Variants in BTBD1 observed in about 807,000 individuals in gnomAD.
The protein encoded by BTBD1 is BTB/POZ domain-containing protein 1.
In BTBD1, 34 loss-of-function variants were observed where a neutral mutation model predicts 48.0. That is an observed-to-expected ratio of 0.71 (90% confidence interval 0.54 to 0.94). The LOEUF (loss-of-function observed/expected upper bound fraction) is 0.94. Ranked by LOEUF, BTBD1 falls within the 40% of genes least tolerant of loss-of-function variation. The probability of loss-of-function intolerance (pLI) is 0.00; values close to 1 mark genes in which losing one functional copy is unlikely to be tolerated. For synonymous variants in BTBD1, 261 were observed against 242.1 expected (o/e 1.08, Z -0.72); for missense variants, 543 against 625.6 (o/e 0.87, Z 1.41).
rs892049887 is a variant in BTBD1, at chr15:83,032,947, G to A, written c.863-2619C>T. ...AAATTGTGCCACTGCACTCCAGGCT[G>A]GGTGACAGTCTTACTCTGTCTCAAA... On this transcript the variant is annotated intron_variant, in intron 4 of 7. Transcript: ENST00000261721. Among the ~76,000 whole-genome samples, 3 of 138,310 alleles carry A rather than the reference G, an allele frequency of 2.2e-5. No individual in the cohort carries two copies. The Admixed American group carries it at 2.2e-4, about 10-fold the overall frequency. 90.7% of individuals were successfully genotyped at this position (138,310 alleles called of 152,430 possible).
At chr15:83,058,323 C>A (rs2033121633) in intron 1 of BTBD1, among the ~76,000 whole-genome samples, 1 of 152,214 alleles carries the variant, frequency 6.6e-6, no homozygotes. Context: ...GCCCTTCCAA[C>A]CTCTCTTTTT....
chr15:83,021,293 A>G (rs2032289224), intron 5 of BTBD1, among the ~76,000 whole-genome samples: 1 of 152,242 alleles, frequency 6.6e-6, no homozygotes, highest in Non-Finnish European at 1.5e-5. Flanking sequence ...AAGAGCTGTG[A>G]AGGAAGTAGG....
rs186864116 is a variant in BTBD1, at chr15:83,053,156, A to T, written c.559-2978T>A. Among the ~76,000 whole-genome samples the T allele has an allele frequency of 1.7e-3, 266 of 152,244 alleles. 1 individual carries two copies. Among genetic ancestry groups the T allele is most frequent in the African/African-American group, 5.9e-3 (246 of 41,554 alleles). On this transcript the variant is annotated intron_variant, in intron 2 of 7. Transcript: ENST00000261721. ...TCTCAAAACGGACTTTGACTTTGGC[A>T]TTCTCTTTGATAACACTTCATAAAA...
At chr15:83,052,593 T>A (rs2033008193) in intron 2 of BTBD1, among the ~76,000 whole-genome samples, 1 of 151,736 alleles carries the variant, frequency 6.6e-6, no homozygotes, top group Non-Finnish European at 1.5e-5. Flanking sequence ...AGTTATGAAG[T>A]AGTACATTTT....
chr15:83,067,102 T>G lies in BTBD1; in HGVS notation c.50A>C (p.Glu17Ala), dbSNP rs759637648. ...CGGCCCCGCGGGGCCCGGCTCCGCCTCAGCCCCCGACGCCTGCTCCCCAGC... is the reference window on the plus strand; with the variant it reads ...CGGCCCCGCGGGGCCCGGCTCCGCCGCAGCCCCCGACGCCTGCTCCCCAGC... ...AAAGEQASGA[E>A]AEPGPAGPPP... is the part of the protein sequence containing the mutation. The change falls in exon 1 of 8, where the codon GAG (glutamate) becomes GCG (alanine). Residue 17 changes from glutamate to alanine, a missense_variant. By Grantham distance (107) the Glu-to-Ala change is moderately radical (BLOSUM62 -1). Transcript: ENST00000261721. 1 of 1,493,964 alleles carries G rather than the reference T, an allele frequency of 6.7e-7. No individual in the cohort carries two copies. The highest frequency in any genetic ancestry group is 8.9e-7 in the Non-Finnish European group (1 of 1,129,254). 92.5% of individuals were successfully genotyped at this position (1,493,964 alleles called of 1,614,324 possible).
chr15:83,051,030 C>CAAA (rs11423630), intron 2 of BTBD1, among the ~76,000 whole-genome samples: 3,243 of 124,064 alleles, frequency 0.026, 52 homozygotes, highest in Middle Eastern at 0.039. Flanking sequence ...CCCTCCCCCA[C>CAAA]AAAAAAAAAA....
At chr15:83,044,733 A>G (rs1221716718) in intron 3 of BTBD1, 1 of 1,470,948 alleles carries the variant, frequency 6.8e-7, no homozygotes, top group East Asian at 2.3e-5. Context: ...TGTCATGAAC[A>G]ATGTCGCCTG....
chr15:83,049,439 AG>A (rs2032937070), intron 3 of BTBD1, among the ~76,000 whole-genome samples: 1 of 152,226 alleles, frequency 6.6e-6, no homozygotes, highest in African/African-American at 2.4e-5. Flanking sequence ...CCATTCTTTA[AG>A]GCTCATATCA....
chr15:83,056,703 C>G (rs2033092277), intron 1 of BTBD1, among the ~76,000 whole-genome samples, 158 bp from the exon 2 acceptor site: 1 of 116,280 alleles, frequency 8.6e-6, no homozygotes, highest in Admixed American at 1.1e-4. Context: ...ATCCATTCAT[C>G]TATCCATCCA....
At chr15:83,054,563 CT>C (rs1178762435) in intron 2 of BTBD1, among the ~76,000 whole-genome samples, 147 of 130,412 alleles carry the variant, frequency 1.1e-3, no homozygotes, top group Admixed American at 2.5e-3. Flanking sequence ...AACATTTTTT[CT>C]TTTTTTTTTT....
chr15:83,054,538 T>C (rs184827803), intron 2 of BTBD1, among the ~76,000 whole-genome samples: 11 of 151,742 alleles, frequency 7.2e-5, no homozygotes, highest in Non-Finnish European at 1.6e-4. Context: ...GAGAAGATGT[T>C]TTTAAAAGGT....
At chr15:83,051,412 GAGAAA>G (rs1182564853) in intron 2 of BTBD1, among the ~76,000 whole-genome samples, 1 of 151,170 alleles carries the variant, frequency 6.6e-6, no homozygotes, top group Non-Finnish European at 1.5e-5. Flanking sequence ...TTTTATGGGG[GAGAAA>G]AGAAAACATT....
intron 4 of BTBD1, among the ~76,000 whole-genome samples, chr15:83,038,331 GA>G (rs1314642718): frequency 5.3e-5 from 8 of 152,058 alleles, no homozygotes; most frequent in Non-Finnish European, 1.2e-4. Context: ...ATCTTGGTTA[GA>G]TATATTTTTA....
intron 4 of BTBD1, among the ~76,000 whole-genome samples, chr15:83,035,016 A>G (rs567810877): frequency 4.6e-5 from 7 of 152,332 alleles, no homozygotes; most frequent in African/African-American, 1.7e-4. Flanking sequence ...CGTATGGGCC[A>G]GGCACGGTGG....
intron 2 of BTBD1, among the ~76,000 whole-genome samples, chr15:83,055,944 C>T (rs905428475): frequency 6.6e-6 from 1 of 152,144 alleles, no homozygotes. Flanking sequence ...TTAACTCTAA[C>T]ATGCTTTTTT....
chr15:83,050,306 G>A (rs556632080), intron 2 of BTBD1, 128 bp from the exon 3 acceptor site: 6 of 548,816 alleles, frequency 1.1e-5, no homozygotes, highest in East Asian at 5.7e-5. Context: ...TAAAATACAC[G>A]CAATAATGTC....
At chr15:83,044,829 A>AC in intron 3 of BTBD1, 2 of 1,002,972 alleles carry the variant, frequency 2.0e-6, no homozygotes, top group Non-Finnish European at 3.1e-6. Context: ...GCTCAGTTCA[A>AC]TGAGCAAATC....
chr15:83,055,531 A>G (rs942383806), intron 2 of BTBD1, among the ~76,000 whole-genome samples: 2 of 152,222 alleles, frequency 1.3e-5, no homozygotes, highest in Non-Finnish European at 2.9e-5. Context: ...TGCTGGGATT[A>G]CAGGCTTGAG....
rs931421883 is a variant in BTBD1 at position 83,017,895 on chromosome 15, T to C, written c.*172A>G. 1 of 412,376 alleles carries C rather than the reference T, an allele frequency of 2.4e-6. No homozygotes were observed. Among genetic ancestry groups the C allele is most frequent in the African/African-American group, 2.1e-5 (1 of 48,670 alleles). 25.5% of individuals were successfully genotyped at this position (412,376 alleles called of 1,614,324 possible). ...AGTTGTAAGAAAATGGAAAATCTGT[T>C]TTTAAATCATGCAAAGATTTAAATA... On this transcript the variant is annotated 3_prime_UTR_variant, in exon 8 of 8. Transcript: ENST00000261721.
Sources: gnomAD v4.1 joint callset for allele counts (sites outside exome capture counted in the v4.1 genomes callset) on GRCh38, gnomAD v4.1.1 for gene constraint, MANE v1.5 for transcripts, NCBI Gene and HGNC (gene_info 2026-07-23, HGNC 2026-07-21) for gene names.